FIG4: variants seen among roughly 807,000 people sequenced by gnomAD.
FIG4 encodes the protein FIG4 phosphoinositide 5-phosphatase.
FIG4 carries 112 observed loss-of-function variants against 118.6 expected under a neutral mutation model. The ratio of observed to expected loss-of-function variants is 0.94; its 90% confidence interval spans 0.81 to 1.11. The LOEUF is 1.11. Ranked by LOEUF, FIG4 falls within the 50% of genes least tolerant of loss-of-function variation. The probability of loss-of-function intolerance (pLI) is 0.00; values close to 1 mark genes in which losing one functional copy is unlikely to be tolerated. For synonymous variants in FIG4, 369 were observed against 381.2 expected (o/e 0.97, Z 0.37); for missense variants, 969 against 1,111.7 (o/e 0.87, Z 1.83).
intron 22 of FIG4, among the ~76,000 whole-genome samples, chr6:109,807,199 T>C (rs746997164): frequency 3.3e-5 from 5 of 152,238 alleles, no homozygotes; most frequent in Non-Finnish European, 7.3e-5. Flanking sequence ...TCTTCCACAA[T>C]GGTTGAACTA....
In FIG4 at chr6:109,812,291, A is replaced by G. The variant is rs73765006; in HGVS notation, c.2547-12797A>G. 4.6e-3 allele frequency among the ~76,000 whole-genome samples: 697 copies of G among 152,238 alleles called. 7 individuals are homozygous for G. The highest frequency in any genetic ancestry group is 0.016 in the African/African-American group (671 of 41,550). ...TATAGCAGTGTAAAAATGGACTAAT[A>G]TGCAAGCTGAAGCCTGGGTCAAAGG... On this transcript the variant is annotated intron_variant, in intron 22 of 22. Coordinates refer to ENST00000230124, the MANE Select transcript of FIG4 (RefSeq NM_014845.6).
chr6:109,818,362 G>A (rs961882989), intron 22 of FIG4, among the ~76,000 whole-genome samples: 23 of 152,056 alleles, frequency 1.5e-4, no homozygotes, highest in African/African-American at 4.3e-4. Flanking sequence ...CACCATGCCC[G>A]GCTAATTTTG....
At chr6:109,778,820 T>C (rs146098707) in intron 16 of FIG4, among the ~76,000 whole-genome samples, 4,446 of 152,062 alleles carry the variant, frequency 0.029, 147 homozygotes, top group African/African-American at 0.085. Flanking sequence ...AGGGTGGTCT[T>C]GATCTCCTGC....
In FIG4 at chr6:109,735,248, A is replaced by G. The variant is rs1776126666; in HGVS notation, c.596A>G (p.Glu199Gly). 1.2e-6 allele frequency: 2 copies of G among 1,613,522 alleles called. No homozygotes were observed. The highest frequency in any genetic ancestry group is 1.7e-5 in the Admixed American group (1 of 59,964). ...LKSEMTQNRQESFDIFEDEGL... is the reference protein window; with the variant it reads ...LKSEMTQNRQGSFDIFEDEGL... ...TCAGAAATGACCCAGAATCGCCAAG[A>G]GAGCTTTGACATCTTTGAAGATGAA... Residue 199 changes from glutamate to glycine, a missense_variant, in exon 6 of 23, where the codon GAG becomes GGG. Coordinates refer to ENST00000230124, the MANE Select transcript of FIG4 (RefSeq NM_014845.6).
At chr6:109,819,359 C>G (rs1265987836) in intron 22 of FIG4, among the ~76,000 whole-genome samples, 1 of 152,184 alleles carries the variant, frequency 6.6e-6, no homozygotes. Context: ...CCATGAAGCC[C>G]AAGGCCCAAA....
chr6:109,739,142 C>T (rs1199038279), intron 7 of FIG4, among the ~76,000 whole-genome samples: 1 of 152,066 alleles, frequency 6.6e-6, no homozygotes, highest in Non-Finnish European at 1.5e-5. Flanking sequence ...GAACAAGTAA[C>T]ATGAGTTAGG....
chr6:109,727,038 C>A, intron 3 of FIG4, 71 bp from the exon 4 acceptor site: 1 of 1,176,162 alleles, frequency 8.5e-7, no homozygotes, highest in Non-Finnish European at 1.3e-6. Context: ...GGTCTTTGGC[C>A]TTTTAAATAG....
At chr6:109,707,340 T>C (rs1197101488) in intron 1 of FIG4, among the ~76,000 whole-genome samples, 2 of 128,138 alleles carry the variant, frequency 1.6e-5, no homozygotes, top group Non-Finnish European at 3.2e-5. Context: ...GGTATATATA[T>C]ACATATATAC....
chr6:109,745,732 G>A (rs13194387), intron 10 of FIG4, among the ~76,000 whole-genome samples: 34,916 of 151,960 alleles, frequency 0.23, 4,256 homozygotes, highest in Middle Eastern at 0.33. Context: ...TGTCCTGAAT[G>A]GTATTTCCTA....
chr6:109,761,947 T>C lies in FIG4; in HGVS notation c.1272-144T>C, dbSNP rs1482060531. The C allele has an allele frequency of 7.8e-6, 5 of 641,032 alleles. No homozygotes were observed. The African/African-American group carries it at 9.1e-5, about 12-fold the overall frequency. The allele number at this position is 641,032 out of a possible 1,614,324, so 39.7% of individuals were successfully genotyped here. Reference sequence around the variant, plus strand: ...ACATTATATTCTAGACATTGTTACATGTTTCTATCAAGTACCAGCCAAGAG... The same window carrying C: ...ACATTATATTCTAGACATTGTTACACGTTTCTATCAAGTACCAGCCAAGAG... On this transcript the variant is annotated intron_variant, in intron 11 of 22. Transcript: ENST00000230124.
At chr6:109,763,655 G>A (rs1160970204) in intron 12 of FIG4, among the ~76,000 whole-genome samples, 5 of 152,226 alleles carry the variant, frequency 3.3e-5, no homozygotes, top group Admixed American at 6.5e-5. Flanking sequence ...AAGCAAGGGA[G>A]ATTTTGGTTG....
At chr6:109,824,249 A>G (rs1779092519) in intron 22 of FIG4, among the ~76,000 whole-genome samples, 2 of 152,224 alleles carry the variant, frequency 1.3e-5, no homozygotes, top group South Asian at 2.1e-4. Context: ...GAAGTGGCCT[A>G]TTACAGACCC....
chr6:109,781,532 C>T (rs779420182), intron 16 of FIG4, among the ~76,000 whole-genome samples: 32 of 151,868 alleles, frequency 2.1e-4, no homozygotes, highest in Non-Finnish European at 4.1e-4. Flanking sequence ...CTCCCCTTGT[C>T]CTGGATGCTG....
intron 10 of FIG4, among the ~76,000 whole-genome samples, chr6:109,748,869 G>C (rs928735321): frequency 6.6e-6 from 1 of 152,094 alleles, no homozygotes; most frequent in African/African-American, 2.4e-5. Flanking sequence ...CCACCCCCAT[G>C]ATTCAATTAT....
intron 15 of FIG4, among the ~76,000 whole-genome samples, chr6:109,767,706 T>C (rs1338828612): frequency 6.6e-6 from 1 of 151,992 alleles, no homozygotes; most frequent in Non-Finnish European, 1.5e-5. Context: ...CCGTCTCTAC[T>C]AAAAAAATTA....
At chr6:109,734,886 T>G (rs941180950) in intron 5 of FIG4, among the ~76,000 whole-genome samples, 3 of 152,160 alleles carry the variant, frequency 2.0e-5, no homozygotes, top group Non-Finnish European at 2.9e-5. Context: ...AAATGCACAT[T>G]GTACAAATCA....
At chr6:109,761,969 A>G (rs2128391402) in intron 11 of FIG4, 122 bp from the exon 12 acceptor site, 1 of 688,584 alleles carries the variant, frequency 1.5e-6, no homozygotes, top group East Asian at 2.7e-5. Flanking sequence ...GTACCAGCCA[A>G]GAGATTTTAA....
At chr6:109,713,193 G>T (rs1183281610) in intron 1 of FIG4, among the ~76,000 whole-genome samples, 2 of 152,200 alleles carry the variant, frequency 1.3e-5, no homozygotes, top group Non-Finnish European at 2.9e-5. Flanking sequence ...GTGGCGGTGG[G>T]ATATGTCCTC....
chr6:109,706,495 T>G (rs1000034573), intron 1 of FIG4, among the ~76,000 whole-genome samples: 1 of 152,220 alleles, frequency 6.6e-6, no homozygotes, highest in African/African-American at 2.4e-5. Flanking sequence ...GGACATAGAC[T>G]GACTACTAAC....
Sources: allele counts gnomAD v4.1 joint callset (sites outside exome capture counted in the v4.1 genomes callset), GRCh38; gene constraint gnomAD v4.1.1; transcripts MANE v1.5; gene names NCBI Gene and HGNC (gene_info 2026-07-23, HGNC 2026-07-21).